CHODL: variants seen among roughly 807,000 people sequenced by gnomAD.
The protein encoded by CHODL is chondrolectin.
CHODL carries 29 observed loss-of-function variants against 34.5 expected under a neutral mutation model. That is an observed-to-expected ratio of 0.84 (90% CI 0.63 to 1.15). CHODL has a LOEUF of 1.15. Ranked by LOEUF, CHODL falls within the 50% of genes most tolerant of loss-of-function variation. The pLI, the probability that CHODL is intolerant of heterozygous loss-of-function variation, is 0.00. For synonymous variants in CHODL, 125 were observed against 116.1 expected, an observed-to-expected ratio of 1.08 and a Z score of -0.49; for missense variants, 332 against 332.5, an observed-to-expected ratio of 1.00 and a Z score of 0.01.
At chr21:18,235,254 A>T (rs1321697406) in intron 2 of CHODL, among the ~76,000 whole-genome samples, 1 of 152,132 alleles carries the variant, frequency 6.6e-6, no homozygotes, top group African/African-American at 2.4e-5. Context: ...TTTAGAGCAG[A>T]TGAATATGTA....
chr21:17,978,436 A>AG (rs2146371687), intron 1 of CHODL, among the ~76,000 whole-genome samples: 1 of 129,290 alleles, frequency 7.7e-6, no homozygotes, highest in African/African-American at 2.9e-5. Context: ...AAAAAAAAAA[A>AG]GGCCGGGCGC....
rs541883060 is a variant in CHODL at position 18,190,976 on chromosome 21, A to G, written c.-44-65533A>G. On this transcript the variant is annotated intron_variant, in intron 2 of 6. Transcript: ENST00000400127. ...TTGGAGGTTCCTTGCTTACATCAGTACAAATGGTAGGTCATCAATACTGGC... is the reference window on the plus strand; with the variant it reads ...TTGGAGGTTCCTTGCTTACATCAGTGCAAATGGTAGGTCATCAATACTGGC... Among the ~76,000 whole-genome samples the G allele has an allele frequency of 3.9e-5, 6 of 152,314 alleles. No individual in the cohort carries two copies. In the South Asian group the frequency reaches 1.2e-3, roughly 32 times the overall value.
At chr21:18,229,829 C>T (rs1375399879) in intron 2 of CHODL, among the ~76,000 whole-genome samples, 37 of 152,104 alleles carry the variant, frequency 2.4e-4, no homozygotes, top group Admixed American at 2.4e-3. Flanking sequence ...ATAATCGCTA[C>T]ATCATGTTTT....
At chr21:17,978,703 T>G (rs1419000812) in intron 1 of CHODL, among the ~76,000 whole-genome samples, 1 of 142,706 alleles carries the variant, frequency 7.0e-6, no homozygotes, top group Non-Finnish European at 1.5e-5. Context: ...GGGTGACTGA[T>G]GAGACTCCAT....
At chr21:18,016,080 G>T (rs1378926299) in intron 1 of CHODL, among the ~76,000 whole-genome samples, 1 of 152,210 alleles carries the variant, frequency 6.6e-6, no homozygotes, top group African/African-American at 2.4e-5. Context: ...ATTTGCATAA[G>T]TAAAGAACAG....
At chr21:18,165,105 G>A (rs1296283858) in intron 2 of CHODL, among the ~76,000 whole-genome samples, 2 of 152,080 alleles carry the variant, frequency 1.3e-5, no homozygotes, top group Admixed American at 1.3e-4. Context: ...CAGCATCTCT[G>A]ACCTCTATTC....
At chr21:18,036,615 C>G (rs1031958962) in intron 2 of CHODL, among the ~76,000 whole-genome samples, 1 of 152,042 alleles carries the variant, frequency 6.6e-6, no homozygotes. Context: ...TATCAGAAAT[C>G]AGTCTTCTTT....
At chr21:18,152,506 G>A (rs1422321057) in intron 2 of CHODL, among the ~76,000 whole-genome samples, 2 of 152,116 alleles carry the variant, frequency 1.3e-5, no homozygotes, top group Non-Finnish European at 2.9e-5. Context: ...TGAAGTTGTT[G>A]GAATAATTTT....
chr21:18,078,958 A>G (rs570721247), intron 2 of CHODL, among the ~76,000 whole-genome samples: 34 of 152,282 alleles, frequency 2.2e-4, no homozygotes, highest in African/African-American at 6.5e-4. Context: ...CATATCCACT[A>G]TGCTACATGG....
chr21:17,960,471 A>AT, intron 1 of CHODL, among the ~76,000 whole-genome samples: 1 of 152,264 alleles, frequency 6.6e-6, no homozygotes, highest in East Asian at 1.9e-4. Context: ...TAATTTTCAG[A>AT]TCCGAGGAAG....
rs139047822 is a variant in CHODL at position 18,259,856 on chromosome 21, G to A, written c.548-344G>A. ...TGCATTTAATATATCACACTCTTAC[G>A]TTTGCCAATTCTTGGTTATCCTTGC... On this transcript the variant is annotated intron_variant, in intron 3 of 5. Transcript: ENST00000299295. 3.0e-4 allele frequency among the ~76,000 whole-genome samples: 46 copies of A among 152,174 alleles called. 1 individual carries two copies. In the East Asian group the frequency reaches 7.6e-3, roughly 25 times the overall value.
intron 1 of CHODL, among the ~76,000 whole-genome samples, chr21:17,927,104 G>GTATGTATATATGTATATATGTATATA (rs772725939): frequency 1.4e-3 from 196 of 137,524 alleles, no homozygotes; most frequent in Middle Eastern, 3.7e-3. Context: ...ATATCTGTGT[G>GTATGTATATATGTATATATGTATATA]TATGTATATA....
At chr21:18,182,295 C>T (rs1467877184) in intron 2 of CHODL, among the ~76,000 whole-genome samples, 1 of 152,102 alleles carries the variant, frequency 6.6e-6, no homozygotes, top group African/African-American at 2.4e-5. Context: ...ATGGCTGTAT[C>T]AAAAGAATAA....
intron 2 of CHODL, among the ~76,000 whole-genome samples, chr21:18,192,427 CAA>C (rs1394719232): frequency 1.3e-5 from 2 of 152,088 alleles, no homozygotes; most frequent in Non-Finnish European, 2.9e-5. Flanking sequence ...GTATGCATCT[CAA>C]GTTTGGTTTC....
At chr21:18,086,672 T>C (rs2065011415) in intron 2 of CHODL, among the ~76,000 whole-genome samples, 1 of 152,180 alleles carries the variant, frequency 6.6e-6, no homozygotes, top group African/African-American at 2.4e-5. Flanking sequence ...GATGAGGTTG[T>C]GGTGAAGTTT....
intron 2 of CHODL, among the ~76,000 whole-genome samples, chr21:18,191,942 G>A (rs1451984454): frequency 6.6e-6 from 1 of 152,096 alleles, no homozygotes; most frequent in Non-Finnish European, 1.5e-5. Flanking sequence ...TTTGTTGAGT[G>A]TTTAAAAAAG....
chr21:18,015,760 G>T (rs2064067179), intron 1 of CHODL, among the ~76,000 whole-genome samples: 1 of 152,212 alleles, frequency 6.6e-6, no homozygotes, highest in Non-Finnish European at 1.5e-5. Flanking sequence ...CTGGAGCAAA[G>T]ATCATGTTGC....
chr21:18,151,097 A>AAG lies in CHODL; in HGVS notation c.-44-105411_-44-105410insGA, dbSNP rs1555876696. Among the ~76,000 whole-genome samples the AAG allele has an allele frequency of 3.8e-3, 575 of 149,930 alleles. 8 individuals carry two copies. The highest frequency in any genetic ancestry group is 0.014 in the African/African-American group (551 of 40,480). ...GACTCTGTGTCAAAAAAAAAAAAAA[A>AAG]AAAAAAAAGAAAGAAATTCTCTGAC... On this transcript the variant is annotated intron_variant, in intron 2 of 6. Transcript: ENST00000400127.
At chr21:18,032,289 A>G (rs2064256858) in intron 2 of CHODL, among the ~76,000 whole-genome samples, 1 of 152,144 alleles carries the variant, frequency 6.6e-6, no homozygotes, top group Non-Finnish European at 1.5e-5. Flanking sequence ...CCGTTATTCA[A>G]TATATACATG....
Sources: allele counts gnomAD v4.1 joint callset (sites outside exome capture counted in the v4.1 genomes callset), GRCh38; gene constraint gnomAD v4.1.1; transcripts MANE v1.5; gene names NCBI Gene and HGNC (gene_info 2026-07-23, HGNC 2026-07-21).